The following BAZ1A variants were observed in gnomAD, a reference collection of about 807,000 sequenced individuals.
The protein encoded by BAZ1A is bromodomain adjacent to zinc finger domain protein 1A.
Under a neutral mutation model 185.2 loss-of-function variants are expected in BAZ1A, and 50 were observed. The ratio of observed to expected loss-of-function variants is 0.27; its 90% confidence interval spans 0.22 to 0.34. BAZ1A has a LOEUF of 0.34. Ranked by LOEUF, BAZ1A falls within the 10% of genes least tolerant of loss-of-function variation. BAZ1A has a pLI of 1.00. For synonymous variants in BAZ1A, 571 were observed against 615.6 expected, an observed-to-expected ratio of 0.93 and a Z score of 1.07; for missense variants, 1,356 against 1,839.9, an observed-to-expected ratio of 0.74 and a Z score of 4.81.
At chr14:34,821,841 G>T (rs1036977067) in intron 4 of BAZ1A, among the ~76,000 whole-genome samples, 1 of 151,728 alleles carries the variant, frequency 6.6e-6, no homozygotes, top group Non-Finnish European at 1.5e-5. Flanking sequence ...AAAATTAGCC[G>T]GGTGTGGTGG....
At chr14:34,813,289 G>A (rs1341309768) in intron 4 of BAZ1A, among the ~76,000 whole-genome samples, 2 of 152,126 alleles carry the variant, frequency 1.3e-5, no homozygotes, top group Non-Finnish European at 2.9e-5. Flanking sequence ...CTACTTTGGA[G>A]GCTGAGATGG....
At chr14:34,818,869 C>T (rs1399649376) in intron 4 of BAZ1A, among the ~76,000 whole-genome samples, 2 of 152,130 alleles carry the variant, frequency 1.3e-5, no homozygotes, top group Non-Finnish European at 2.9e-5. Flanking sequence ...CGGCCGGGCG[C>T]AGTGGCTCAA....
chr14:34,798,431 A>G (rs1881324463), intron 9 of BAZ1A, among the ~76,000 whole-genome samples: 1 of 152,216 alleles, frequency 6.6e-6, no homozygotes, highest in South Asian at 2.1e-4. Context: ...GTAGGGGCCA[A>G]CTGACACATC....
chr14:34,813,821 T>G (rs2041965303), intron 4 of BAZ1A, among the ~76,000 whole-genome samples: 3 of 151,956 alleles, frequency 2.0e-5, no homozygotes, highest in Admixed American at 2.0e-4. Context: ...AGGCAGATCA[T>G]GAGGTCATTA....
intron 3 of BAZ1A, among the ~76,000 whole-genome samples, chr14:34,832,203 C>CATATATATATAT (rs1566586080): frequency 3.9e-5 from 3 of 76,028 alleles, no homozygotes; most frequent in Non-Finnish European, 8.7e-5. Flanking sequence ...CACACACACA[C>CATATATATATAT]ACACACACAC....
intron 23 of BAZ1A, among the ~76,000 whole-genome samples, chr14:34,763,425 A>ATTT (rs1566546456): frequency 8.6e-5 from 13 of 151,662 alleles, no homozygotes; most frequent in African/African-American, 3.1e-4. Flanking sequence ...AATGTTTAAA[A>ATTT]AAAAAAAAAA....
intron 8 of BAZ1A, among the ~76,000 whole-genome samples, chr14:34,800,824 G>T (rs190736624): frequency 3.5e-4 from 54 of 152,288 alleles, no homozygotes; most frequent in African/African-American, 1.3e-3. Context: ...GCCCCAGTTT[G>T]TAAGCCCTGG....
chr14:34,780,340 C>G (rs768932716), intron 16 of BAZ1A, 30 bp from the exon 17 acceptor site: 1 of 1,583,084 alleles, frequency 6.3e-7, no homozygotes, highest in South Asian at 1.1e-5. Flanking sequence ...ATGACATTTA[C>G]TAATGAATAT....
Position 34,753,418 on chromosome 14 carries a change from C to T in BAZ1A, c.*90G>A. 1 of 1,051,316 alleles carries T rather than the reference C, an allele frequency of 9.5e-7. No individual in the cohort carries two copies. Among genetic ancestry groups the T allele is most frequent in the Non-Finnish European group, 1.4e-6 (1 of 709,884 alleles). 65.1% of individuals were successfully genotyped at this position (1,051,316 alleles called of 1,614,324 possible). The stretch of plus-strand genomic sequence containing the variant: ...CAGGCCACACTTTCATGTGGTCAAT[C>T]AATTGTTATTGCTTTATACAGCATG... On this transcript the variant is annotated 3_prime_UTR_variant, in exon 27 of 27. Coordinates refer to ENST00000360310, the MANE Select transcript of BAZ1A (RefSeq NM_013448.3).
intron 3 of BAZ1A, among the ~76,000 whole-genome samples, chr14:34,827,727 T>C (rs2042184064): frequency 9.2e-6 from 1 of 109,252 alleles, no homozygotes; most frequent in Non-Finnish European, 2.0e-5. Flanking sequence ...AAAGCAAGAC[T>C]CTGTCTCAAA....
intron 5 of BAZ1A, among the ~76,000 whole-genome samples, chr14:34,807,875 G>A (rs376290472): frequency 3.3e-5 from 5 of 152,074 alleles, no homozygotes; most frequent in South Asian, 4.1e-4. Flanking sequence ...CGAGGCCGAG[G>A]CGGGTGGATG....
chr14:34,836,887 C>G (rs1183898756), intron 3 of BAZ1A, among the ~76,000 whole-genome samples: 1 of 151,852 alleles, frequency 6.6e-6, no homozygotes, highest in Non-Finnish European at 1.5e-5. Context: ...TTTATAATTC[C>G]TTTTTTAGAG....
intron 3 of BAZ1A, among the ~76,000 whole-genome samples, chr14:34,835,092 C>T (rs149075332): frequency 0.019 from 2,882 of 151,510 alleles, 50 homozygotes; most frequent in South Asian, 0.039. Context: ...GATGGAGTCT[C>T]GCTCTGTTGC....
Position 34,874,278 on chromosome 14 carries a change from A to G in BAZ1A, c.113+214T>C. 3.8e-6 allele frequency: 2 copies of G among 524,994 alleles called. No homozygotes were observed. Among genetic ancestry groups the G allele is most frequent in the Non-Finnish European group, 6.7e-6 (2 of 296,346 alleles). 32.5% of individuals were successfully genotyped at this position (524,994 alleles called of 1,614,324 possible). The stretch of plus-strand genomic sequence containing the variant: ...CAGGGACCCAGCCTCCTCCGCCACT[A>G]CCAACCCGCGTTCCCCACGCGCGCC... On this transcript the variant is annotated intron_variant, in intron 2 of 26. Coordinates refer to ENST00000360310, the MANE Select transcript of BAZ1A (RefSeq NM_013448.3). The surrounding 1 kb of genome is among the most constrained non-coding windows in gnomAD (Gnocchi z 4.7).
At chr14:34,760,718 G>A (rs1170408042) in intron 24 of BAZ1A, among the ~76,000 whole-genome samples, 1 of 152,070 alleles carries the variant, frequency 6.6e-6, no homozygotes, top group East Asian at 1.9e-4. Context: ...TCAGCTTGGT[G>A]GTGCATTCCT....
intron 19 of BAZ1A, 91 bp from the exon 20 acceptor site, chr14:34,773,817 A>C: frequency 7.9e-7 from 1 of 1,267,306 alleles, no homozygotes; most frequent in Non-Finnish European, 1.1e-6. Context: ...AAATCAATTC[A>C]TGGATATTTT....
At chr14:34,774,945 T>C (rs1879489927) in intron 18 of BAZ1A, among the ~76,000 whole-genome samples, 1 of 152,226 alleles carries the variant, frequency 6.6e-6, no homozygotes, top group Admixed American at 6.5e-5. Flanking sequence ...CGGGGGGTAG[T>C]GGCTCATGCC....
In BAZ1A at chr14:34,874,419, GGAGA is replaced by G. The variant is rs970163867; in HGVS notation, c.113+69_113+72del. ...CGCCAGAAGCCCAGGGCGAGGAAAAGGAGAGAGACAAAAGAGCGCTGCGGGGGGA... is the reference window on the plus strand; with the variant it reads ...CGCCAGAAGCCCAGGGCGAGGAAAAGGAGACAAAAGAGCGCTGCGGGGGGA... On this transcript the variant is annotated intron_variant, in intron 2 of 26. Coordinates refer to ENST00000360310, the MANE Select transcript of BAZ1A (RefSeq NM_013448.3). This position sits in a 1 kb window ranked among gnomAD's most constrained non-coding sequence, Gnocchi z 4.7. 5 of 1,405,068 alleles carry G rather than the reference GGAGA, an allele frequency of 3.6e-6. No individual in the cohort carries two copies. Among genetic ancestry groups the G allele is most frequent in the Non-Finnish European group, 5.0e-6 (5 of 997,494 alleles). The allele number at this position is 1,405,068 out of a possible 1,614,324, so 87.0% of individuals were successfully genotyped here. A position where few individuals can be genotyped will look rare whatever the true frequency, so the allele number is the denominator to read the frequency against.
Position 34,874,675 on chromosome 14 carries a change from G to C in BAZ1A, c.-58-13C>G. The C allele has an allele frequency of 1.1e-5, 15 of 1,351,432 alleles. No homozygotes were observed. In the South Asian group the frequency reaches 1.8e-4, roughly 16 times the overall value. The allele number at this position is 1,351,432 out of a possible 1,614,324, so 83.7% of individuals were successfully genotyped here. ...CGGCCCCGCTTCCCTATCAAAATTG[G>C]AGGGAAAGGAAAGCCGGTAAGGTGG... On this transcript the variant is annotated splice_polypyrimidine_tract_variant and intron_variant, in intron 1 of 26. Coordinates refer to ENST00000360310, the MANE Select transcript of BAZ1A (RefSeq NM_013448.3). The surrounding 1 kb of genome is among the most constrained non-coding windows in gnomAD (Gnocchi z 4.7).
Sources: allele counts gnomAD v4.1 joint callset (sites outside exome capture counted in the v4.1 genomes callset), GRCh38; gene constraint gnomAD v4.1.1; non-coding constraint Gnocchi (gnomAD v3.1); transcripts MANE v1.5; gene names NCBI Gene and HGNC (gene_info 2026-07-23, HGNC 2026-07-21).